The following DNAH8 variants were observed in gnomAD, a reference collection of about 807,000 sequenced individuals.
The protein encoded by DNAH8 is axonemal beta dynein heavy chain 8.
A neutral mutation model predicts 562.1 loss-of-function variants in DNAH8; 382 were observed. The ratio of observed to expected loss-of-function variants is 0.68; its 90% CI spans 0.63 to 0.74. The LOEUF (loss-of-function observed/expected upper bound fraction) is 0.74. Ranked by LOEUF, DNAH8 falls within the 30% of genes least tolerant of loss-of-function variation. The pLI is 0.00. For missense variants in DNAH8, 5,203 were observed against 5,620.4 expected (o/e 0.93, Z 2.37); for synonymous variants, 1,881 against 1,919.4 (o/e 0.98, Z 0.52).
chr6:38,750,609 A>G lies in DNAH8; in HGVS notation c.1407+20A>G, dbSNP rs9470927. On this transcript the variant is annotated intron_variant, in intron 9 of 92. Coordinates refer to ENST00000327475, the MANE Select transcript of DNAH8 (RefSeq NM_001206927.2). Reference sequence around the variant, plus strand: ...GACCTAGTAAGTATGCTTTTAAAGTACAATTTTAAACTGAGGGCAGTGGCT... The same window carrying G: ...GACCTAGTAAGTATGCTTTTAAAGTGCAATTTTAAACTGAGGGCAGTGGCT... 28,467 of 1,441,224 alleles carry G rather than the reference A, an allele frequency of 0.02. 721 individuals carry two copies. Among genetic ancestry groups the G allele is most frequent in the South Asian group, 0.1 (8,565 of 83,704 alleles). The allele number at this position is 1,441,224 out of a possible 1,614,324, so 89.3% of individuals were successfully genotyped here.
At chr6:38,820,145 G>A (rs562588501) in intron 26 of DNAH8, among the ~76,000 whole-genome samples, 6 of 152,264 alleles carry the variant, frequency 3.9e-5, no homozygotes, top group Non-Finnish European at 2.9e-5. Context: ...TTGAAGAAAA[G>A]CAAGGTAGGG....
intron 37 of DNAH8, 44 bp from the exon 38 acceptor site, chr6:38,850,204 TCAA>T: frequency 6.3e-7 from 1 of 1,575,026 alleles, no homozygotes; most frequent in Admixed American, 1.8e-5. Context: ...TTGCTTTTTT[TCAA>T]TTATCCAAAT....
intron 9 of DNAH8, among the ~76,000 whole-genome samples, chr6:38,755,197 G>T (rs1459999201): frequency 6.6e-6 from 1 of 152,032 alleles, no homozygotes; most frequent in East Asian, 1.9e-4. Context: ...GAAAATAATG[G>T]TGCAATCTTA....
chr6:38,834,578 G>T lies in DNAH8; in HGVS notation c.4303-1G>T, dbSNP rs1464012024. ...AATGGAGATTATATTCTTCCTTACAGGAAGGACCTATGGTTCCAAATATAC... is the reference window on the plus strand; with the variant it reads ...AATGGAGATTATATTCTTCCTTACATGAAGGACCTATGGTTCCAAATATAC... On this transcript the variant is annotated splice_acceptor_variant, in intron 31 of 92. Transcript: ENST00000327475. LOFTEE classifies it high-confidence loss of function. The T allele has an allele frequency of 6.3e-7, 1 of 1,585,856 alleles. No homozygotes were observed. Among genetic ancestry groups the T allele is most frequent in the Non-Finnish European group, 8.6e-7 (1 of 1,164,914 alleles).
At chr6:38,995,308 T>C (rs1404260817) in intron 88 of DNAH8, among the ~76,000 whole-genome samples, 4 of 152,204 alleles carry the variant, frequency 2.6e-5, no homozygotes, top group Non-Finnish European at 5.9e-5. Context: ...AGTGATATAC[T>C]CTATTAATGG....
intron 71 of DNAH8, among the ~76,000 whole-genome samples, chr6:38,922,623 T>C (rs1180935513): frequency 6.6e-6 from 1 of 152,174 alleles, no homozygotes; most frequent in Non-Finnish European, 1.5e-5. Flanking sequence ...AATTGGCTCT[T>C]AAGAGTTGAT....
chr6:38,758,383 C>G (rs1484807938), intron 10 of DNAH8, among the ~76,000 whole-genome samples: 1 of 151,616 alleles, frequency 6.6e-6, no homozygotes, highest in African/African-American at 2.4e-5. Context: ...GATTTTGTAT[C>G]CTGAGACTTT....
intron 16 of DNAH8, among the ~76,000 whole-genome samples, chr6:38,782,668 A>C (rs1562767864): frequency 1.3e-5 from 2 of 152,222 alleles, no homozygotes; most frequent in Non-Finnish European, 2.9e-5. Context: ...TCATGGTTCA[A>C]GGAACATCAG....
Position 38,883,371 on chromosome 6 carries a change from A to G in DNAH8, c.8051A>G (p.Lys2684Arg), listed in dbSNP as rs149884780. The G allele has an allele frequency of 1.2e-6, 2 of 1,613,454 alleles. No homozygotes were observed. The highest frequency in any genetic ancestry group is 2.7e-5 in the African/African-American group (2 of 75,048). The change falls in exon 55 of 93, where the codon AAG becomes AGG. Residue 2684 changes from lysine (K) to arginine (R), a missense_variant. By Grantham distance (26) the Lys-to-Arg change is conservative. This residue lies in a region of DNAH8 where 977 missense variants were observed against 1,061.8 expected (regional missense o/e 0.92). Coordinates refer to ENST00000327475, the MANE Select transcript of DNAH8 (RefSeq NM_001206927.2). The part of the protein sequence containing the change: ...EQGTAKTVMV[K>R]AYLKKYDPEV... ...GGAACTGCAAAAACTGTCATGGTTA[A>G]GGCCTATTTGAAAAAATATGATCCT...
chr6:38,734,265 C>T (rs141578854), intron 4 of DNAH8, among the ~76,000 whole-genome samples: 2,320 of 128,798 alleles, frequency 0.018, 48 homozygotes, highest in South Asian at 0.12. Flanking sequence ...GCCTGGGCAA[C>T]AGAGCAAGAC....
chr6:38,758,707 A>G (rs868685191), intron 10 of DNAH8, among the ~76,000 whole-genome samples: 81 of 152,282 alleles, frequency 5.3e-4, no homozygotes, highest in African/African-American at 1.9e-3. Flanking sequence ...CATCCCATCA[A>G]TACCTAATTT....
At chr6:39,008,346 C>T (rs1326272212) in intron 88 of DNAH8, among the ~76,000 whole-genome samples, 1 of 151,736 alleles carries the variant, frequency 6.6e-6, no homozygotes, top group Admixed American at 6.6e-5. Context: ...AATGAGAAAA[C>T]CAAGCAGAAA....
At chr6:38,922,072 G>A (rs1188307500) in intron 71 of DNAH8, among the ~76,000 whole-genome samples, 2 of 75,856 alleles carry the variant, frequency 2.6e-5, no homozygotes, top group South Asian at 4.7e-4. Flanking sequence ...CTTTTGTGGT[G>A]GAATGTCATC....
At chr6:38,751,753 AT>A (rs201119712) in intron 9 of DNAH8, among the ~76,000 whole-genome samples, 3,427 of 152,328 alleles carry the variant, frequency 0.022, 134 homozygotes, top group African/African-American at 0.077. Flanking sequence ...AATTAAAAAA[AT>A]CTCTATCCTT....
In DNAH8 at chr6:38,884,007, G is replaced by T. The variant is rs770323338; in HGVS notation, c.8259+9G>T. 1.3e-6 allele frequency: 2 copies of T among 1,523,020 alleles called. No individual in the cohort carries two copies. The highest frequency in any genetic ancestry group is 1.3e-5 in the South Asian group (1 of 75,246). 94.3% of individuals were successfully genotyped at this position (1,523,020 alleles called of 1,614,324 possible). A position where few individuals can be genotyped will look rare whatever the true frequency, so the allele number is the denominator to read the frequency against. ...ATGAGTGGGGAGATCAGGTATGGCT[G>T]AAATATCTCATATAGATGATCCTGA... On this transcript the variant is annotated intron_variant, in intron 56 of 92. Transcript: ENST00000327475.
chr6:38,758,133 C>T (rs1488231427), intron 10 of DNAH8, among the ~76,000 whole-genome samples: 2 of 152,184 alleles, frequency 1.3e-5, no homozygotes, highest in African/African-American at 4.8e-5. Context: ...TGGCCATTTT[C>T]ACGATATTGA....
chr6:38,951,571 C>T, intron 82 of DNAH8, 51 bp downstream of exon 82: 2 of 1,516,782 alleles, frequency 1.3e-6, no homozygotes, highest in Non-Finnish European at 1.8e-6. Flanking sequence ...TTTTTTTGCC[C>T]CAAATTTTGC....
chr6:38,913,607 CCTTAAATGTAG>C lies in DNAH8; in HGVS notation c.9860-239_9860-229del, dbSNP rs1488347807. 3.3e-5 allele frequency among the ~76,000 whole-genome samples: 5 copies of C among 152,012 alleles called. No homozygotes were observed. The East Asian group carries it at 9.7e-4, about 29-fold the overall frequency. ...TATTCAATAGGACATTGTGACTTTC[CCTTAAATGTAG>C]CTACGTGATATTCTTCGGTCAGAGC... On this transcript the variant is annotated intron_variant, in intron 66 of 92. Coordinates refer to ENST00000327475, the MANE Select transcript of DNAH8 (RefSeq NM_001206927.2).
At chr6:38,906,090 G>A (rs1307674772) in intron 62 of DNAH8, among the ~76,000 whole-genome samples, 164 bp from the exon 63 acceptor site, 1 of 151,520 alleles carries the variant, frequency 6.6e-6, no homozygotes, top group Admixed American at 6.6e-5. Flanking sequence ...TATTTTTTTA[G>A]TAGAGATGGG....
Sources: gnomAD v4.1 joint callset for allele counts (sites outside exome capture counted in the v4.1 genomes callset) on GRCh38, gnomAD v4.1.1 for gene constraint, gnomAD v4.1.1 regional missense constraint, MANE v1.5 for transcripts, NCBI Gene and HGNC (gene_info 2026-07-23, HGNC 2026-07-21) for gene names.